The following PCDH11X variants were observed in gnomAD, a reference collection of about 807,000 sequenced individuals.
PCDH11X encodes the protein protocadherin-11 X-linked.
Under a neutral mutation model 53.3 loss-of-function variants are expected in PCDH11X, and 18 were observed. That is an observed-to-expected ratio of 0.34 (90% confidence interval 0.23 to 0.50). The LOEUF (loss-of-function observed/expected upper bound fraction) is 0.50, where lower values mean the gene tolerates loss of function less well. PCDH11X is among the 20% of genes least tolerant of loss of function. The probability of loss-of-function intolerance (pLI) is 0.98; values close to 1 mark genes in which losing one functional copy is unlikely to be tolerated. For synonymous variants in PCDH11X, 279 were observed against 393.3 expected, an observed-to-expected ratio of 0.71 and a Z score of 3.44; for missense variants, 570 against 1,032.4, an observed-to-expected ratio of 0.55 and a Z score of 6.14.
intron 10 of PCDH11X, among the ~76,000 whole-genome samples, chrX:92,569,189 T>A (rs1921893251): frequency 9.2e-6 from 1 of 109,241 alleles, no homozygotes; most frequent in Non-Finnish European, 1.9e-5. Flanking sequence ...AAATCCTGTT[T>A]CTTTTGCTTA....
chrX:92,301,948 A>G (rs1351522192), intron 8 of PCDH11X, among the ~76,000 whole-genome samples: 1 of 111,302 alleles, frequency 9.0e-6, no homozygotes, highest in Non-Finnish European at 1.9e-5. Context: ...TTAGGAGCTG[A>G]GTGCTTAGTG....
intron 6 of PCDH11X, among the ~76,000 whole-genome samples, chrX:92,197,433 A>T (rs999656281): frequency 1.8e-5 from 2 of 112,119 alleles, no homozygotes; most frequent in Non-Finnish European, 3.8e-5. Context: ...TCATCTATAT[A>T]TGTCCTGGGA....
intron 9 of PCDH11X, among the ~76,000 whole-genome samples, chrX:92,464,599 TGA>T (rs2073121884): frequency 4.5e-5 from 5 of 110,834 alleles, no homozygotes; most frequent in Non-Finnish European, 9.4e-5. Flanking sequence ...TATAGCAGCA[TGA>T]GAACAAACTA....
chrX:91,973,918 A>G (rs1602597128), intron 6 of PCDH11X, among the ~76,000 whole-genome samples: 1 of 111,132 alleles, frequency 9.0e-6, no homozygotes, highest in African/African-American at 3.3e-5. Flanking sequence ...CCCAGCCTAC[A>G]ACTTTTACTT....
intron 5 of PCDH11X, among the ~76,000 whole-genome samples, chrX:91,876,197 C>T (rs1939607682): frequency 1.8e-5 from 2 of 110,716 alleles, no homozygotes; most frequent in Non-Finnish European, 3.8e-5. Context: ...ATACGATGGA[C>T]ATTGGGGACT....
intron 8 of PCDH11X, among the ~76,000 whole-genome samples, chrX:92,376,580 G>C (rs1486930157): frequency 9.0e-6 from 1 of 111,467 alleles, no homozygotes; most frequent in African/African-American, 3.3e-5. Flanking sequence ...TAAGCTGCTT[G>C]GTTGTCTGTG....
intron 7 of PCDH11X, among the ~76,000 whole-genome samples, chrX:92,235,640 A>T (rs1184124251): frequency 9.0e-6 from 1 of 111,453 alleles, no homozygotes. Flanking sequence ...AGACTTCACC[A>T]TTCAAAATTA....
chrX:91,878,269 C>T lies in PCDH11X; in HGVS notation c.2029C>T (p.Pro677Ser). The T allele has an allele frequency of 8.3e-7, 1 of 1,211,846 alleles. No homozygotes were observed. ...CAACAAACCAGTTTTCATTGTCCCTCCTTCCAACTGTTCTTATGAATTGGT... is the reference window on the plus strand; with the variant it reads ...CAACAAACCAGTTTTCATTGTCCCTTCTTCCAACTGTTCTTATGAATTGGT... ...NDNKPVFIVP[P>S]SNCSYELVLP... Residue 677 changes from proline (P) to serine (S), a missense_variant, in exon 6 of 11, where the codon CCT (proline) becomes TCT (serine). Pro to Ser is a moderately conservative substitution (Grantham distance 74, BLOSUM62 -1). Around this residue, in one of 6 missense-constraint regions of PCDH11X, gnomAD observed 226 missense variants for 457.5 expected, o/e 0.49. Coordinates refer to ENST00000682573, the MANE Select transcript of PCDH11X (RefSeq NM_032968.5).
intron 9 of PCDH11X, among the ~76,000 whole-genome samples, chrX:92,450,860 C>A (rs146412585): frequency 9.0e-6 from 1 of 110,628 alleles, no homozygotes. Context: ...AGCATAAACT[C>A]GCTTTGGCTC....
At chrX:91,924,588 A>T (rs978105751) in intron 6 of PCDH11X, among the ~76,000 whole-genome samples, 2 of 112,096 alleles carry the variant, frequency 1.8e-5, no homozygotes, top group African/African-American at 6.5e-5. Flanking sequence ...GTCTTTGTTA[A>T]ATCAAGCCAT....
chrX:92,403,333 TTTTTTG>T lies in PCDH11X; in HGVS notation c.3343+15406_3343+15411del, dbSNP rs1284861948. 2.3e-4 allele frequency among the ~76,000 whole-genome samples: 17 copies of T among 75,102 alleles called. 1 individual carries two copies. The East Asian group carries it at 0.011, about 50-fold the overall frequency. The allele number at this position is 75,102 out of a possible 115,157, so 65.2% of individuals were successfully genotyped here. A position where few individuals can be genotyped will look rare whatever the true frequency, so the allele number is the denominator to read the frequency against. ...GATATGTGTCCGGGCATTTACGTTT[TTTTTTG>T]TTTTTTTTTTTTTTTTTTTTTGTAG... On this transcript the variant is annotated intron_variant, in intron 9 of 10. Coordinates refer to ENST00000682573, the MANE Select transcript of PCDH11X (RefSeq NM_032968.5).
chrX:91,943,358 T>C (rs1248880126), intron 6 of PCDH11X, among the ~76,000 whole-genome samples: 7 of 110,141 alleles, frequency 6.4e-5, no homozygotes, highest in Non-Finnish European at 1.1e-4. Flanking sequence ...ATGTGTGGAG[T>C]AGACAGTATA....
At chrX:92,110,648 G>T (rs1339462712) in intron 6 of PCDH11X, among the ~76,000 whole-genome samples, 4 of 111,397 alleles carry the variant, frequency 3.6e-5, no homozygotes, top group Non-Finnish European at 1.9e-5. Flanking sequence ...CTGGGTGACT[G>T]CACCTGTAAA....
intron 6 of PCDH11X, chrX:91,882,837 A>C (rs771823103): frequency 8.6e-7 from 1 of 1,163,777 alleles, no homozygotes; most frequent in African/African-American, 1.8e-5. Flanking sequence ...ACCATGAAGC[A>C]TGCTTGGCAA....
intron 6 of PCDH11X, among the ~76,000 whole-genome samples, chrX:92,001,468 C>CT (rs1359416867): frequency 0.022 from 1,638 of 75,259 alleles, 41 homozygotes; most frequent in African/African-American, 0.072. Context: ...CTTTTTTTTT[C>CT]TTTCTTTTTT....
intron 1 of PCDH11X, among the ~76,000 whole-genome samples, chrX:91,782,155 C>A (rs1935169772): frequency 8.9e-6 from 1 of 112,531 alleles, no homozygotes; most frequent in African/African-American, 3.2e-5. Context: ...CCTTCGGCCT[C>A]TCCTGGGTCC....
chrX:92,585,335 C>T (rs1162124652), intron 10 of PCDH11X, among the ~76,000 whole-genome samples: 4 of 109,157 alleles, frequency 3.7e-5, no homozygotes, highest in African/African-American at 1.3e-4. Flanking sequence ...TTGTCCTTTC[C>T]AAATTCAAAA....
At chrX:92,460,986 G>A (rs1294811105) in intron 9 of PCDH11X, 20 of 848,452 alleles carry the variant, frequency 2.4e-5, no homozygotes, top group African/African-American at 1.3e-4. Flanking sequence ...TGGGGAGCAG[G>A]AGGCCAATAA....
At chrX:92,385,389 G>A (rs1220748396) in intron 8 of PCDH11X, among the ~76,000 whole-genome samples, 2 of 104,699 alleles carry the variant, frequency 1.9e-5, no homozygotes, top group Non-Finnish European at 3.9e-5. Context: ...AAGGGATATT[G>A]ACTAGGCAAA....
Sources: gnomAD v4.1 joint callset for allele counts (sites outside exome capture counted in the v4.1 genomes callset) on GRCh38, gnomAD v4.1.1 for gene constraint, gnomAD v4.1.1 regional missense constraint, MANE v1.5 for transcripts, NCBI Gene and HGNC (gene_info 2026-07-23, HGNC 2026-07-21) for gene names.